CFAP74: variants seen among roughly 807,000 people sequenced by gnomAD.
The protein encoded by CFAP74 is cilia and flagella associated protein 74.
A neutral mutation model predicts 188.9 loss-of-function variants in CFAP74; 124 were observed. The observed-to-expected ratio is 0.66, with a 90% CI of 0.57 to 0.76. CFAP74 has a LOEUF of 0.76. Among genes scored for constraint, CFAP74 ranks in the 30% least tolerant of loss-of-function variants. The probability of loss-of-function intolerance (pLI) is 0.00; values close to 1 mark genes in which losing one functional copy is unlikely to be tolerated. For missense variants in CFAP74, 2,198 were observed against 2,165.2 expected (o/e 1.02, Z -0.30); for synonymous variants, 956 against 916.7 (o/e 1.04, Z -0.77).
At chr1:1,977,664 TG>T (rs778445469) in intron 6 of CFAP74, among the ~76,000 whole-genome samples, 27 of 152,178 alleles carry the variant, frequency 1.8e-4, no homozygotes, top group Admixed American at 1.3e-3. Context: ...GAGGCTGGCC[TG>T]GGCATCTGAT....
chr1:1,946,356 G>A lies in CFAP74; in HGVS notation c.2325C>T (p.Ala775=). The A allele has an allele frequency of 6.5e-7, 1 of 1,536,868 alleles. No individual in the cohort carries two copies. Among genetic ancestry groups the A allele is most frequent in the Non-Finnish European group, 8.7e-7 (1 of 1,146,870 alleles). The change falls in exon 20 of 39, where the codon GCC becomes GCT. Residue 775 remains alanine, a synonymous_variant. Coordinates refer to ENST00000682832, the MANE Select transcript of CFAP74 (RefSeq NM_001304360.2). ...FTPVVPGDVQ[A]RFKVTFKNPQ... is the part of the protein sequence containing the mutation. ...GGTTCTTAAACGTGACTTTGAACCTGGCTTGGACGTCGCCTGGGACGACCG... is the reference window on the plus strand; with the variant it reads ...GGTTCTTAAACGTGACTTTGAACCTAGCTTGGACGTCGCCTGGGACGACCG...
At chr1:1,941,169 C>T (rs868349476) in intron 22 of CFAP74, among the ~76,000 whole-genome samples, 35 of 152,156 alleles carry the variant, frequency 2.3e-4, no homozygotes, top group Admixed American at 1.0e-3. Flanking sequence ...GAAAGAAAAA[C>T]ATCAGCCTCC....
rs375253953 is a variant in CFAP74 at position 1,922,640 on chromosome 1, G to A, written c.4767C>T (p.Arg1589=). 38 of 1,604,236 alleles carry A rather than the reference G, an allele frequency of 2.4e-5. No individual in the cohort carries two copies. The African/African-American group carries it at 3.2e-4, about 14-fold the overall frequency. ...AGATGCTGATGGTCTTCGTCTGGCC[G>A]CGCTCCACGGAGCCCCTGGAGGGCT... ...SIEPSRGSVE[R]GQTKTISISW... is the part of the protein sequence containing the mutation. Residue 1589 remains arginine (R), a synonymous_variant, in exon 38 of 39, where the codon CGC becomes CGT. Transcript: ENST00000682832.
At chr1:1,940,978 TGGCG>T (rs1016651011) in intron 22 of CFAP74, among the ~76,000 whole-genome samples, 2 of 151,998 alleles carry the variant, frequency 1.3e-5, no homozygotes, top group Admixed American at 1.3e-4. Context: ...CCGGGCGTGG[TGGCG>T]GGCGCCTGTA....
rs758875137 is a variant in CFAP74 at position 1,939,586 on chromosome 1, G to A, written c.2877+8C>T. ...CCCTCTTACCCCAGGCCTGGCTGCA[G>A]GAGGTACCTTGGGAAGCCTGACGAA... On this transcript the variant is annotated splice_region_variant and intron_variant, in intron 24 of 38. Coordinates refer to ENST00000682832, the MANE Select transcript of CFAP74 (RefSeq NM_001304360.2). The A allele has an allele frequency of 4.6e-6, 7 of 1,534,358 alleles. No homozygotes were observed. The highest frequency in any genetic ancestry group is 6.1e-6 in the Non-Finnish European group (7 of 1,145,458).
intron 9 of CFAP74, among the ~76,000 whole-genome samples, chr1:1,971,355 A>G (rs1261696453): frequency 6.6e-6 from 1 of 151,206 alleles, no homozygotes; most frequent in Non-Finnish European, 1.5e-5. Context: ...ACACACATGC[A>G]CACCTGCACA....
chr1:1,948,081 C>A (rs2102053006), intron 18 of CFAP74, among the ~76,000 whole-genome samples: 1 of 152,064 alleles, frequency 6.6e-6, no homozygotes, highest in East Asian at 1.9e-4. Flanking sequence ...CCATATCGGC[C>A]AGACTGGTCT....
intron 12 of CFAP74, among the ~76,000 whole-genome samples, chr1:1,965,664 G>A (rs993225151): frequency 6.6e-6 from 1 of 152,156 alleles, no homozygotes; most frequent in Admixed American, 6.5e-5. Context: ...GGGTGGGGGG[G>A]GCACTTGGCA....
chr1:1,925,916 A>T lies in CFAP74; in HGVS notation c.3971T>A (p.Ile1324Asn). ...GAGGGTGAGCGTGCCTCTCTTGGTG[A>T]TGATGTCCAGTGTTTCTTGAGCCTA... ...SILAQETLDI[I>N]TKRGTLTLTL... Residue 1324 changes from isoleucine to asparagine, a missense_variant, in exon 33 of 39, where the codon ATC becomes AAC. Coordinates refer to ENST00000682832, the MANE Select transcript of CFAP74 (RefSeq NM_001304360.2). The T allele has an allele frequency of 6.2e-7, 1 of 1,610,972 alleles. No individual in the cohort carries two copies. Among genetic ancestry groups the T allele is most frequent in the Non-Finnish European group, 8.5e-7 (1 of 1,179,130 alleles).
At chr1:1,939,884 G>C (rs2102045147) in intron 23 of CFAP74, 117 bp from the exon 24 acceptor site, 2 of 996,720 alleles carry the variant, frequency 2.0e-6, no homozygotes, top group East Asian at 5.3e-5. Context: ...CTGTTTCCAG[G>C]ACACGACGAG....
At position 1,975,691 on chromosome 1, in the gene CFAP74, G is replaced by A. The variant is rs199519565; in HGVS notation, c.501-1493C>T. Among the ~76,000 whole-genome samples the A allele has an allele frequency of 1.3e-5, 2 of 152,128 alleles. No homozygotes were observed. The highest frequency in any genetic ancestry group is 2.9e-5 in the Non-Finnish European group (2 of 68,022). On this transcript the variant is annotated intron_variant, in intron 6 of 38. Coordinates refer to ENST00000682832, the MANE Select transcript of CFAP74 (RefSeq NM_001304360.2). The surrounding 1 kb of genome is among the most constrained non-coding windows in gnomAD (Gnocchi z 4.5). ...GCTCCCCAAGTCTGGGGGACTCCGCGGAGCTTCCACGGGCGGGTTATTTCT... is the reference window on the plus strand; with the variant it reads ...GCTCCCCAAGTCTGGGGGACTCCGCAGAGCTTCCACGGGCGGGTTATTTCT...
chr1:1,930,252 G>T lies in CFAP74; in HGVS notation c.3096C>A (p.Ala1032=). The change falls in exon 26 of 39, where the codon GCC becomes GCA. Residue 1032 remains alanine, a synonymous_variant. Coordinates refer to ENST00000682832, the MANE Select transcript of CFAP74 (RefSeq NM_001304360.2). Reference sequence around the variant, plus strand: ...CTGTAGCCACGGAGGTGTCGTATAGGGCCGTGGCGGCAAACTTGATCTGGT... The same window carrying T: ...CTGTAGCCACGGAGGTGTCGTATAGTGCCGTGGCGGCAAACTTGATCTGGT... ...SHYQIKFAAT[A]LYDTSVATVY... The T allele has an allele frequency of 6.5e-7, 1 of 1,535,676 alleles. No homozygotes were observed. Among genetic ancestry groups the T allele is most frequent in the Non-Finnish European group, 8.7e-7 (1 of 1,146,672 alleles).
At chr1:1,955,987 G>T in intron 17 of CFAP74, 137 bp from the exon 18 acceptor site, 2 of 1,412,504 alleles carry the variant, frequency 1.4e-6, no homozygotes, top group South Asian at 1.5e-5. Context: ...CTGCCTCCTC[G>T]GCTGCCTGCT....
rs1023109414 is a variant in CFAP74, at chr1:1,973,903, G to A, written c.674+122C>T. 1.1e-6 allele frequency: 1 copy of A among 924,950 alleles called. No individual in the cohort carries two copies. Among genetic ancestry groups the A allele is most frequent in the South Asian group, 2.2e-5 (1 of 44,712 alleles). The allele number at this position is 924,950 out of a possible 1,614,324, so 57.3% of individuals were successfully genotyped here. ...GCAAGCTGGGAGGAGGCAGGGAGGG[G>A]TGGAGGTGGATCTGGACAGATGTGG... On this transcript the variant is annotated intron_variant, in intron 7 of 38. Coordinates refer to ENST00000682832, the MANE Select transcript of CFAP74 (RefSeq NM_001304360.2). This position sits in a 1 kb window ranked among gnomAD's most constrained non-coding sequence, Gnocchi z 6.2.
At position 1,943,798 on chromosome 1, in the gene CFAP74, G is replaced by C. The variant is rs866375025; in HGVS notation, c.2486+533C>G. ...GCACATTCATTCTCTCCACGTCCTG[G>C]AGGTCAGAAGCCAAGACGGAGCTAA... On this transcript the variant is annotated intron_variant, in intron 21 of 38. Coordinates refer to ENST00000682832, the MANE Select transcript of CFAP74 (RefSeq NM_001304360.2). 5.3e-5 allele frequency among the ~76,000 whole-genome samples: 8 copies of C among 152,328 alleles called. No homozygotes were observed. The Middle Eastern group carries it at 0.01, about 194-fold the overall frequency.
chr1:1,956,514 C>T (rs1348489717), intron 17 of CFAP74, 106 bp downstream of exon 17: 3 of 1,398,054 alleles, frequency 2.1e-6, no homozygotes, highest in Non-Finnish European at 2.0e-6. Flanking sequence ...CTCCTTCTCC[C>T]AGGCCCACTG....
In CFAP74 at chr1:1,988,928, A is replaced by G; in HGVS notation, c.113T>C (p.Leu38Pro). ...GTCCACGTCATCCTCAGCTTCCTGTAGAAGACATTTGATGTCAAACTCCGG... is the reference window on the plus strand; with the variant it reads ...GTCCACGTCATCCTCAGCTTCCTGTGGAAGACATTTGATGTCAAACTCCGG... ...EDPEFDIKCL[L>P]QEAEDDVDPG... Residue 38 changes from leucine to proline, a missense_variant, in exon 3 of 39, where the codon CTA becomes CCA. Physicochemically the swap from Leu to Pro is moderately conservative, Grantham distance 98 (BLOSUM62 -3). Transcript: ENST00000682832. 6.3e-7 allele frequency: 1 copy of G among 1,588,492 alleles called. No individual in the cohort carries two copies. Among genetic ancestry groups the G allele is most frequent in the Non-Finnish European group, 8.6e-7 (1 of 1,167,334 alleles).
chr1:1,925,909 C>T lies in CFAP74; in HGVS notation c.3978G>A (p.Lys1326=). 6.2e-7 allele frequency: 1 copy of T among 1,611,862 alleles called. No homozygotes were observed. The highest frequency in any genetic ancestry group is 8.5e-7 in the Non-Finnish European group (1 of 1,179,536). ...LAQETLDIIT[K]RGTLTLTLMG... ...TGAGGGTGAGGGTGAGCGTGCCTCT[C>T]TTGGTGATGATGTCCAGTGTTTCTT... The change falls in exon 33 of 39, where the codon AAG becomes AAA. Residue 1326 remains lysine (K), a synonymous_variant. Transcript: ENST00000682832.
chr1:1,971,906 C>G, intron 9 of CFAP74, 74 bp downstream of exon 9: 1 of 1,208,962 alleles, frequency 8.3e-7, no homozygotes, highest in Non-Finnish European at 1.2e-6. Flanking sequence ...GCCTGGCTCC[C>G]AAGGAGCAGG....
Sources: allele counts gnomAD v4.1 joint callset (sites outside exome capture counted in the v4.1 genomes callset), GRCh38; gene constraint gnomAD v4.1.1; non-coding constraint Gnocchi (gnomAD v3.1); transcripts MANE v1.5; gene names NCBI Gene and HGNC (gene_info 2026-07-23, HGNC 2026-07-21).